Variants in PRPF40B observed in about 807,000 individuals in gnomAD.
PRPF40B encodes pre-mRNA-processing factor 40 homolog B.
A neutral mutation model predicts 124.5 loss-of-function variants in PRPF40B; 56 were observed. That is an observed-to-expected ratio of 0.45 (90% CI 0.36 to 0.56). The LOEUF is 0.56. Ranked by LOEUF, PRPF40B falls within the 20% of genes least tolerant of loss-of-function variation. The probability of loss-of-function intolerance (pLI) is 0.00; values close to 1 mark genes in which losing one functional copy is unlikely to be tolerated. For missense variants in PRPF40B, 1,053 were observed against 1,169.5 expected (o/e 0.90, Z 1.45); for synonymous variants, 443 against 426.4 (o/e 1.04, Z -0.48).
chr12:49,640,192 G>C (rs531215938), intron 18 of PRPF40B: 7 of 152,228 alleles, frequency 4.6e-5, no homozygotes, highest in Non-Finnish European at 1.0e-4. Flanking sequence ...CCTGGACTTA[G>C]AACAGGCAGA....
intron 1 of PRPF40B, among the ~76,000 whole-genome samples, chr12:49,629,370 G>C (rs1941021780): frequency 6.6e-6 from 1 of 152,128 alleles, no homozygotes; most frequent in African/African-American, 2.4e-5. Flanking sequence ...GCTCCTTACT[G>C]GTGGCTATTT....
In PRPF40B at chr12:49,636,739, A is replaced by G; in HGVS notation, c.1450A>G (p.Ile484Val). 1 of 1,614,160 alleles carries G rather than the reference A, an allele frequency of 6.2e-7. No individual in the cohort carries two copies. The highest frequency in any genetic ancestry group is 8.5e-7 in the Non-Finnish European group (1 of 1,180,026). ...LQNMDKEDALICFEEHIRALE... is the reference protein window; with the variant it reads ...LQNMDKEDALVCFEEHIRALE... ...AGACATGGACAAGGAAGATGCACTG[A>G]TCTGTTTTGAGGAGCACATCCGAGC... Residue 484 changes from isoleucine to valine, a missense_variant, in exon 16 of 26, where the codon ATC (isoleucine) becomes GTC (valine). This residue lies in a region of PRPF40B where 895 missense variants were observed against 1,052.2 expected (regional missense o/e 0.85). Coordinates refer to ENST00000548825, the MANE Select transcript of PRPF40B (RefSeq NM_001031698.3).
rs372164491 is a variant in PRPF40B at position 49,636,705 on chromosome 12, C to T, written c.1427-11C>T. 3.1e-6 allele frequency: 5 copies of T among 1,613,716 alleles called. No homozygotes were observed. In the African/African-American group the frequency reaches 6.7e-5, roughly 22 times the overall value. On this transcript the variant is annotated splice_polypyrimidine_tract_variant and intron_variant, in intron 15 of 25. Transcript: ENST00000548825. ...GGGACAATGCCCGCGGAACCTCCTG[C>T]CTGTCTTTAGACATGGACAAGGAAG...
Position 49,632,995 on chromosome 12 carries a change from T to TGGGGGGGGGGGGGGGGGGGGGGGGGGGG in PRPF40B, c.349-18_349-17insGGGGGGGGGGGGGGGGGGGGGGGGGGGG. 1 of 1,365,450 alleles carries TGGGGGGGGGGGGGGGGGGGGGGGGGGGG rather than the reference T, an allele frequency of 7.3e-7. No homozygotes were observed. The highest frequency in any genetic ancestry group is 1.0e-6 in the Non-Finnish European group (1 of 979,274). 84.6% of individuals were successfully genotyped at this position (1,365,450 alleles called of 1,614,324 possible). ...AAAAGGGGCCTTGACCACCATTCTG[T>TGGGGGGGGGGGGGGGGGGGGGGGGGGGG]GCCCCCCCCCCCACCCAGAGGGCCC... On this transcript the variant is annotated intron_variant, in intron 6 of 25. Coordinates refer to ENST00000548825, the MANE Select transcript of PRPF40B (RefSeq NM_001031698.3).
At position 49,644,214 on chromosome 12, in the gene PRPF40B, T is replaced by A; in HGVS notation, c.*22T>A. 2 of 1,613,704 alleles carry A rather than the reference T, an allele frequency of 1.2e-6. No homozygotes were observed. Among genetic ancestry groups the A allele is most frequent in the Non-Finnish European group, 1.7e-6 (2 of 1,179,820 alleles). On this transcript the variant is annotated 3_prime_UTR_variant, in exon 26 of 26. Transcript: ENST00000548825. ...GTGACCCAATGAGCTGTTCTCTGCC[T>A]CGGGTCTGTGTGAGGCCATGGCTCC...
In PRPF40B at chr12:49,633,408, C is replaced by T; in HGVS notation, c.460-19C>T. 6.2e-7 allele frequency: 1 copy of T among 1,614,088 alleles called. No individual in the cohort carries two copies. The highest frequency in any genetic ancestry group is 8.5e-7 in the Non-Finnish European group (1 of 1,179,990). ...AACTTGCCCATCCCACTGATGGCTC[C>T]TATCCCATCCACTTGCAGCTGCTCC... On this transcript the variant is annotated intron_variant, in intron 7 of 25. Coordinates refer to ENST00000548825, the MANE Select transcript of PRPF40B (RefSeq NM_001031698.3).
rs1942975356 is a variant in PRPF40B, at chr12:49,643,718, C to T, written c.2408C>T (p.Pro803Leu). The change falls in exon 24 of 26, where the codon CCA becomes CTA. Residue 803 changes from proline to leucine, a missense_variant. Pro to Leu is a moderately conservative substitution (Grantham distance 98). Coordinates refer to ENST00000548825, the MANE Select transcript of PRPF40B (RefSeq NM_001031698.3). ...ADHGLRKAKK[P>L]KKKTKKRRHK... is the part of the protein sequence containing the mutation. Reference sequence around the variant, plus strand: ...CATGGCCTTCGGAAAGCCAAGAAACCAAAAAAGAAAACTAAGAAGAGAAGA... The same window carrying T: ...CATGGCCTTCGGAAAGCCAAGAAACTAAAAAAGAAAACTAAGAAGAGAAGA... 6.2e-7 allele frequency: 1 copy of T among 1,613,814 alleles called. No homozygotes were observed. The highest frequency in any genetic ancestry group is 8.5e-7 in the Non-Finnish European group (1 of 1,179,916).
Position 49,635,800 on chromosome 12 carries a change from G to C in PRPF40B, c.1276-43G>C, listed in dbSNP as rs376322454. The C allele has an allele frequency of 4.9e-5, 78 of 1,607,884 alleles. No homozygotes were observed. In the African/African-American group the frequency reaches 1.0e-3, roughly 21 times the overall value. On this transcript the variant is annotated intron_variant, in intron 14 of 25. Transcript: ENST00000548825. This position sits in a 1 kb window ranked among gnomAD's most constrained non-coding sequence, Gnocchi z 4.1. Reference sequence around the variant, plus strand: ...TCCTCTGCCCAGGCCTACTTGGGTAGCTCTGGCCTGCCCTGCCTCACCCTG... The same window carrying C: ...TCCTCTGCCCAGGCCTACTTGGGTACCTCTGGCCTGCCCTGCCTCACCCTG...
chr12:49,638,468 C>T (rs1459771696), intron 18 of PRPF40B: 5 of 152,176 alleles, frequency 3.3e-5, no homozygotes, highest in Non-Finnish European at 4.4e-5. Flanking sequence ...TTGATACTGT[C>T]GCAAGTGTCA....
intron 1 of PRPF40B, among the ~76,000 whole-genome samples, chr12:49,626,787 A>G (rs1354825759): frequency 6.6e-6 from 1 of 152,134 alleles, no homozygotes; most frequent in Non-Finnish European, 1.5e-5. Context: ...CTAGATTGCA[A>G]ACAGACCTGT....
At position 49,642,662 on chromosome 12, in the gene PRPF40B, T is replaced by C. The variant is rs1329759421; in HGVS notation, c.2105T>C (p.Leu702Pro). 1 of 1,614,074 alleles carries C rather than the reference T, an allele frequency of 6.2e-7. No homozygotes were observed. Among genetic ancestry groups the C allele is most frequent in the African/African-American group, 1.3e-5 (1 of 75,060 alleles). Residue 702 changes from leucine (L) to proline (P), a missense_variant, in exon 21 of 26, where the codon CTA becomes CCA. Coordinates refer to ENST00000548825, the MANE Select transcript of PRPF40B (RefSeq NM_001031698.3). This position sits in a 1 kb window ranked among gnomAD's most constrained non-coding sequence, Gnocchi z 5.8. ...SERIRLFREF[L>P]QVLETECQHL... ...CGGATCCGGCTCTTCCGGGAGTTCC[T>C]ACAGGTGCTGGAGGTGAGGCAGGCT...
chr12:49,635,135 C>A lies in PRPF40B; in HGVS notation c.1038C>A (p.Phe346Leu). Residue 346 changes from phenylalanine to leucine, a missense_variant, in exon 13 of 26, where the codon TTC (phenylalanine) becomes TTA (leucine). This residue lies in a region of PRPF40B where 895 missense variants were observed against 1,052.2 expected (regional missense o/e 0.85). Coordinates refer to ENST00000548825, the MANE Select transcript of PRPF40B (RefSeq NM_001031698.3). The surrounding 1 kb of genome is among the most constrained non-coding windows in gnomAD (Gnocchi z 4.1). ...AACTGAGTGAGAAAAAGCAGGCATTCAATGCCTACAAGGCGCAGCGGGAGA... is the reference window on the plus strand; with the variant it reads ...AACTGAGTGAGAAAAAGCAGGCATTAAATGCCTACAAGGCGCAGCGGGAGA... ...LPKLSEKKQA[F>L]NAYKAQREKE... is the part of the protein sequence containing the mutation. The A allele has an allele frequency of 6.2e-7, 1 of 1,613,800 alleles. No individual in the cohort carries two copies. The highest frequency in any genetic ancestry group is 1.1e-5 in the South Asian group (1 of 91,066).
chr12:49,642,536 C>A lies in PRPF40B; in HGVS notation c.2023-44C>A. 1 of 1,607,970 alleles carries A rather than the reference C, an allele frequency of 6.2e-7. No homozygotes were observed. Among genetic ancestry groups the A allele is most frequent in the Non-Finnish European group, 8.5e-7 (1 of 1,174,810 alleles). The stretch of plus-strand genomic sequence containing the variant: ...TGCTCATGGCGGTGTCCAGGCCAGG[C>A]TGAGTGGGGCCTAGTCTGATCAGCA... On this transcript the variant is annotated intron_variant, in intron 20 of 25. Transcript: ENST00000548825. This position sits in a 1 kb window ranked among gnomAD's most constrained non-coding sequence, Gnocchi z 5.8.
chr12:49,626,457 G>A (rs1377605964), intron 1 of PRPF40B, among the ~76,000 whole-genome samples: 1 of 152,206 alleles, frequency 6.6e-6, no homozygotes, highest in African/African-American at 2.4e-5. Context: ...AAGGGACACA[G>A]GTAGGAGTGT....
In PRPF40B at chr12:49,642,070, T is replaced by C; in HGVS notation, c.1884+46T>C. On this transcript the variant is annotated intron_variant, in intron 19 of 25. Transcript: ENST00000548825. The surrounding 1 kb of genome is among the most constrained non-coding windows in gnomAD (Gnocchi z 5.8). ...TGGGAAGTTCTCTAATTCATCTGTGTCTTGCTCCATTCCTTCTCACTCACT... is the reference window on the plus strand; with the variant it reads ...TGGGAAGTTCTCTAATTCATCTGTGCCTTGCTCCATTCCTTCTCACTCACT... 6.2e-7 allele frequency: 1 copy of C among 1,605,918 alleles called. No homozygotes were observed. Among genetic ancestry groups the C allele is most frequent in the South Asian group, 1.1e-5 (1 of 90,960 alleles).
In PRPF40B at chr12:49,632,995, T is replaced by TGGGGGGGGGGGGGGGGGC; in HGVS notation, c.349-18_349-17insGGGGGGGGGGGGGGGGCG. ...AAAAGGGGCCTTGACCACCATTCTGTGCCCCCCCCCCCACCCAGAGGGCCC... is the reference window on the plus strand; with the variant it reads ...AAAAGGGGCCTTGACCACCATTCTGTGGGGGGGGGGGGGGGGGCGCCCCCCCCCCCACCCAGAGGGCCC... On this transcript the variant is annotated intron_variant, in intron 6 of 25. Coordinates refer to ENST00000548825, the MANE Select transcript of PRPF40B (RefSeq NM_001031698.3). The TGGGGGGGGGGGGGGGGGC allele has an allele frequency of 7.3e-7, 1 of 1,365,458 alleles. No individual in the cohort carries two copies. The highest frequency in any genetic ancestry group is 1.0e-6 in the Non-Finnish European group (1 of 979,278). 84.6% of individuals were successfully genotyped at this position (1,365,458 alleles called of 1,614,324 possible).
At position 49,635,197 on chromosome 12, in the gene PRPF40B, A is replaced by C. The variant is rs749606241; in HGVS notation, c.1100A>C (p.Glu367Ala). ...GAGGAGGCCCGGCTAAGGGCCAAAG[A>C]GGCCAAGCAGACCCTGCAGCATTTC... ...EKEEARLRAK[E>A]AKQTLQHFLE... Residue 367 changes from glutamate to alanine, a missense_variant, in exon 13 of 26, where the codon GAG becomes GCG. This residue lies in a region of PRPF40B where 895 missense variants were observed against 1,052.2 expected (regional missense o/e 0.85). Transcript: ENST00000548825. This position sits in a 1 kb window ranked among gnomAD's most constrained non-coding sequence, Gnocchi z 4.1. 1 of 1,614,154 alleles carries C rather than the reference A, an allele frequency of 6.2e-7. No homozygotes were observed. Among genetic ancestry groups the C allele is most frequent in the Non-Finnish European group, 8.5e-7 (1 of 1,180,020 alleles).
Position 49,641,814 on chromosome 12 carries a change from G to T in PRPF40B, c.1768-94G>T, listed in dbSNP as rs1447458290. The T allele has an allele frequency of 4.0e-6, 4 of 998,868 alleles. No individual in the cohort carries two copies. The African/African-American group carries it at 6.3e-5, about 16-fold the overall frequency. 61.9% of individuals were successfully genotyped at this position (998,868 alleles called of 1,614,324 possible). On this transcript the variant is annotated intron_variant, in intron 18 of 25. Coordinates refer to ENST00000548825, the MANE Select transcript of PRPF40B (RefSeq NM_001031698.3). Reference sequence around the variant, plus strand: ...CCTGTGGATCTCTTCCAGAGGCAAGGGCCTTCTTGACCATCTGTAATGTGA... The same window carrying T: ...CCTGTGGATCTCTTCCAGAGGCAAGTGCCTTCTTGACCATCTGTAATGTGA...
At chr12:49,627,438 CGTGAAGAAATGATTGGTAGAT>C (rs1555207390) in intron 1 of PRPF40B, among the ~76,000 whole-genome samples, 1 of 152,034 alleles carries the variant, frequency 6.6e-6, no homozygotes, top group Non-Finnish European at 1.5e-5. Context: ...GAAAAGCTTT[CGTGAAGAAATGATTGGTAGAT>C]GTGAAGTGTA....
Sources: gnomAD v4.1 joint callset for allele counts (sites outside exome capture counted in the v4.1 genomes callset) on GRCh38, gnomAD v4.1.1 for gene constraint, gnomAD v4.1.1 regional missense constraint, Gnocchi (gnomAD v3.1) non-coding constraint, MANE v1.5 for transcripts, NCBI Gene and HGNC (gene_info 2026-07-23, HGNC 2026-07-21) for gene names.